The following DNM3 variants were observed in gnomAD, a reference collection of about 807,000 sequenced individuals.
DNM3 encodes dynamin 3.
A neutral mutation model predicts 101.6 loss-of-function variants in DNM3; 47 were observed. The ratio of observed to expected loss-of-function variants is 0.46; its 90% CI spans 0.37 to 0.59. The LOEUF (loss-of-function observed/expected upper bound fraction) is 0.59, where lower values mean the gene tolerates loss of function less well. DNM3 is among the 20% of genes least tolerant of loss of function. The pLI is 0.00. For missense variants in DNM3, 849 were observed against 1,085.7 expected, an observed-to-expected ratio of 0.78 and a Z score of 3.06; for synonymous variants, 385 against 387.9, an observed-to-expected ratio of 0.99 and a Z score of 0.09.
At chr1:171,958,905 A>G (rs576566050) in intron 2 of DNM3, among the ~76,000 whole-genome samples, 65 of 152,332 alleles carry the variant, frequency 4.3e-4, no homozygotes, top group African/African-American at 1.5e-3. Flanking sequence ...ATTAATTCTC[A>G]TGGTTGAATA....
intron 17 of DNM3, among the ~76,000 whole-genome samples, chr1:172,341,925 C>T (rs533976244): frequency 6.6e-6 from 1 of 152,134 alleles, no homozygotes; most frequent in East Asian, 1.9e-4. Context: ...CAAACAATCC[C>T]ATTAAAAAGT....
intron 1 of DNM3, among the ~76,000 whole-genome samples, chr1:171,870,889 A>G (rs545917597): frequency 5.9e-5 from 9 of 152,328 alleles, no homozygotes; most frequent in African/African-American, 1.7e-4. Context: ...TGGGCCCCAG[A>G]GTACGACAGA....
intron 14 of DNM3, among the ~76,000 whole-genome samples, chr1:172,212,022 G>A (rs624538): frequency 0.24 from 35,901 of 152,004 alleles, 7,111 homozygotes; most frequent in African/African-American, 0.54. Context: ...GTTGTATTTA[G>A]CAAAGGAATG....
intron 2 of DNM3, among the ~76,000 whole-genome samples, chr1:171,949,808 A>C (rs2042396888): frequency 6.6e-6 from 1 of 152,036 alleles, no homozygotes; most frequent in South Asian, 2.1e-4. Flanking sequence ...AGGAACTGGA[A>C]CTCTTACACA....
At chr1:171,978,427 A>G (rs950154319) in intron 2 of DNM3, among the ~76,000 whole-genome samples, 1 of 152,126 alleles carries the variant, frequency 6.6e-6, no homozygotes, top group Admixed American at 6.5e-5. Context: ...GCCCTGAGGT[A>G]GGAAGGGACT....
At chr1:172,374,628 G>A (rs1231515825) in intron 17 of DNM3, among the ~76,000 whole-genome samples, 1 of 151,980 alleles carries the variant, frequency 6.6e-6, no homozygotes, top group Admixed American at 6.6e-5. Context: ...TCCTCATAAT[G>A]TAAAGAAAAG....
At chr1:171,946,239 C>T (rs1184110702) in intron 2 of DNM3, among the ~76,000 whole-genome samples, 13 of 151,920 alleles carry the variant, frequency 8.6e-5, no homozygotes. Context: ...ATGAAACTGA[C>T]AAAAGACAGA....
At chr1:171,865,484 C>G (rs1032569005) in intron 1 of DNM3, among the ~76,000 whole-genome samples, 2 of 143,060 alleles carry the variant, frequency 1.4e-5, no homozygotes, top group Non-Finnish European at 3.0e-5. Flanking sequence ...CCACTGCACT[C>G]CAGCCTGGGT....
chr1:172,169,435 C>A (rs1368718325), intron 14 of DNM3, among the ~76,000 whole-genome samples: 1 of 151,906 alleles, frequency 6.6e-6, no homozygotes, highest in Non-Finnish European at 1.5e-5. Flanking sequence ...TTCATCCTAT[C>A]ATTGGGCATT....
At chr1:171,916,786 AC>A (rs1183795975) in intron 1 of DNM3, among the ~76,000 whole-genome samples, 2 of 152,046 alleles carry the variant, frequency 1.3e-5, no homozygotes, top group Non-Finnish European at 2.9e-5. Flanking sequence ...AACACAAACT[AC>A]CAGTAAAGAC....
At chr1:171,984,190 T>C (rs1019454364) in intron 2 of DNM3, among the ~76,000 whole-genome samples, 2 of 152,174 alleles carry the variant, frequency 1.3e-5, no homozygotes, top group African/African-American at 4.8e-5. Flanking sequence ...ATTTCAATAG[T>C]AAGCTTCCTT....
rs557393703 is a variant in DNM3, at chr1:172,118,186, A to G, written c.1546-12989A>G. ...CTAGGATTCCACATTAGATACATGC[A>G]TGCATTTTTCCCTAGAACATTAGTA... On this transcript the variant is annotated intron_variant, in intron 13 of 20. Coordinates refer to ENST00000627582, the MANE Select transcript of DNM3 (RefSeq NM_015569.5). Among the ~76,000 whole-genome samples, 34 of 152,336 alleles carry G rather than the reference A, an allele frequency of 2.2e-4. No homozygotes were observed. The South Asian group carries it at 6.8e-3, about 31-fold the overall frequency.
intron 4 of DNM3, among the ~76,000 whole-genome samples, chr1:172,031,239 G>A (rs1368507887): frequency 2.0e-5 from 3 of 152,080 alleles, no homozygotes; most frequent in African/African-American, 4.8e-5. Flanking sequence ...GAATGAGTTC[G>A]TGTCCTTTGC....
At chr1:171,905,207 C>A (rs2038719368) in intron 1 of DNM3, among the ~76,000 whole-genome samples, 1 of 152,190 alleles carries the variant, frequency 6.6e-6, no homozygotes, top group South Asian at 2.1e-4. Flanking sequence ...ATACTGCATA[C>A]TTCTCTTTAA....
intron 15 of DNM3, among the ~76,000 whole-genome samples, chr1:172,282,636 T>C (rs2063534008): frequency 6.6e-6 from 1 of 152,200 alleles, no homozygotes; most frequent in African/African-American, 2.4e-5. Flanking sequence ...ATAAGGATAT[T>C]CCAGATGGGA....
intron 13 of DNM3, among the ~76,000 whole-genome samples, chr1:172,098,274 C>T (rs139052045): frequency 2.3e-4 from 35 of 152,236 alleles, no homozygotes; most frequent in Admixed American, 3.3e-4. Flanking sequence ...CCCTCAGGGA[C>T]GCATTCTCTT....
chr1:171,924,974 G>A (rs970473688), intron 2 of DNM3, among the ~76,000 whole-genome samples: 14 of 148,488 alleles, frequency 9.4e-5, no homozygotes, highest in African/African-American at 1.5e-4. Context: ...ATCTCGGCTC[G>A]CTGCAACCTC....
chr1:171,902,838 A>C (rs1356347751), intron 1 of DNM3, among the ~76,000 whole-genome samples: 2 of 152,118 alleles, frequency 1.3e-5, no homozygotes, highest in African/African-American at 4.8e-5. Context: ...ATGAGTGAAA[A>C]ATTTCTATAG....
At chr1:171,954,603 A>C (rs891118884) in intron 2 of DNM3, among the ~76,000 whole-genome samples, 24 of 152,228 alleles carry the variant, frequency 1.6e-4, no homozygotes, top group African/African-American at 5.5e-4. Flanking sequence ...GCTGATACGC[A>C]GTTCCCTCTG....
Sources: allele counts gnomAD v4.1 joint callset (sites outside exome capture counted in the v4.1 genomes callset), GRCh38; gene constraint gnomAD v4.1.1; transcripts MANE v1.5; gene names NCBI Gene and HGNC (gene_info 2026-07-23, HGNC 2026-07-21).